DAB1: variants seen among roughly 807,000 people sequenced by gnomAD.
The protein encoded by DAB1 is disabled homolog 1.
In DAB1, 15 loss-of-function variants were observed where a neutral mutation model predicts 64.6. The ratio of observed to expected loss-of-function variants is 0.23; its 90% confidence interval spans 0.16 to 0.36. The LOEUF is 0.36. DAB1 is among the 10% of genes least tolerant of loss of function. DAB1 has a pLI of 1.00. For synonymous variants in DAB1, 235 were observed against 251.9 expected (o/e 0.93, Z 0.64); for missense variants, 596 against 706.7 (o/e 0.84, Z 1.78).
At chr1:57,947,075 A>G (rs1377286403) in intron 5 of DAB1, among the ~76,000 whole-genome samples, 2 of 152,138 alleles carry the variant, frequency 1.3e-5, no homozygotes, top group Non-Finnish European at 2.9e-5. Context: ...CTTGATTTAC[A>G]TAGGTGATCT....
intron 2 of DAB1, among the ~76,000 whole-genome samples, chr1:57,274,884 ATTT>A (rs3042300): frequency 0.05 from 7,310 of 146,800 alleles, 224 homozygotes; most frequent in African/African-American, 0.089. Flanking sequence ...GCTCAGCCAA[ATTT>A]TTTTTTTTTT....
At chr1:57,158,484 G>T (rs146222268) in intron 2 of DAB1, among the ~76,000 whole-genome samples, 164 of 152,208 alleles carry the variant, frequency 1.1e-3, no homozygotes, top group South Asian at 1.7e-3. Context: ...ATTTCGAAAG[G>T]TTGTTTTACT....
At chr1:57,392,744 G>C (rs1682484341) in intron 1 of DAB1, among the ~76,000 whole-genome samples, 1 of 152,204 alleles carries the variant, frequency 6.6e-6, no homozygotes. Context: ...TGACTTCTGA[G>C]AGGAACTGGC....
intron 5 of DAB1, among the ~76,000 whole-genome samples, chr1:58,132,383 G>A (rs12037749): frequency 0.016 from 2,446 of 152,230 alleles, 62 homozygotes; most frequent in South Asian, 0.1. Flanking sequence ...AGATGAACCC[G>A]GTACCTCAGA....
intron 5 of DAB1, among the ~76,000 whole-genome samples, chr1:57,983,981 T>A (rs764698770): frequency 1.3e-5 from 2 of 152,042 alleles, no homozygotes; most frequent in Non-Finnish European, 2.9e-5. Flanking sequence ...CACGCGCACA[T>A]GCACATGTGC....
rs72920624 is a variant in DAB1 at position 57,909,304 on chromosome 1, C to T, written n.388-25142G>A. 7.1e-3 allele frequency among the ~76,000 whole-genome samples: 1,075 copies of T among 152,236 alleles called. 16 individuals carry two copies. Among genetic ancestry groups the T allele is most frequent in the African/African-American group, 0.024 (1,017 of 41,542 alleles). The stretch of plus-strand genomic sequence containing the variant: ...GATCTTTAAGGTTTCTCCTAGCATG[C>T]CCATTCCCAACTGATCATGCCCCAG... On this transcript the variant is annotated intron_variant and non_coding_transcript_variant, in intron 5 of 20. Coordinates refer to the DAB1 transcript ENST00000485760.
At chr1:57,064,748 A>G (rs1401198949) in intron 8 of DAB1, among the ~76,000 whole-genome samples, 1 of 151,990 alleles carries the variant, frequency 6.6e-6, no homozygotes, top group Non-Finnish European at 1.5e-5. Flanking sequence ...GCTCATCTAC[A>G]CTCTTGCAGA....
intron 9 of DAB1, among the ~76,000 whole-genome samples, chr1:57,057,558 T>A (rs1363970552): frequency 2.0e-5 from 3 of 151,726 alleles, no homozygotes; most frequent in Non-Finnish European, 4.4e-5. Context: ...CAGCCTTCTG[T>A]GACATGCAAA....
At chr1:57,051,640 A>G (rs1649199514) in intron 9 of DAB1, among the ~76,000 whole-genome samples, 1 of 152,182 alleles carries the variant, frequency 6.6e-6, no homozygotes, top group Non-Finnish European at 1.5e-5. Flanking sequence ...AATCTTTCTA[A>G]GCTTGAGAGG....
chr1:57,744,512 G>T (rs773106603), intron 6 of DAB1, among the ~76,000 whole-genome samples: 13 of 151,940 alleles, frequency 8.6e-5, no homozygotes, highest in Non-Finnish European at 1.6e-4. Flanking sequence ...TAATATATCG[G>T]CAAACGAAGA....
chr1:58,146,590 G>A (rs1043538772), intron 5 of DAB1, among the ~76,000 whole-genome samples: 11 of 151,980 alleles, frequency 7.2e-5, no homozygotes, highest in African/African-American at 2.7e-4. Context: ...ATATAATTGA[G>A]ATCATGTGAT....
chr1:58,090,319 C>A (rs370997905), intron 5 of DAB1, among the ~76,000 whole-genome samples: 1 of 152,146 alleles, frequency 6.6e-6, no homozygotes, highest in African/African-American at 2.4e-5. Context: ...GGCAGTGGCA[C>A]GCCCTTGCTG....
intron 6 of DAB1, among the ~76,000 whole-genome samples, chr1:57,781,245 G>C (rs945891732): frequency 6.8e-6 from 1 of 147,148 alleles, no homozygotes; most frequent in African/African-American, 2.5e-5. Context: ...AAGCTGAATA[G>C]TTTCCTATCA....
intron 2 of DAB1, among the ~76,000 whole-genome samples, chr1:57,193,306 C>T (rs771119099): frequency 4.6e-5 from 7 of 150,628 alleles, no homozygotes; most frequent in Non-Finnish European, 1.0e-4. Flanking sequence ...TATCAGTGGA[C>T]TCATACAGTA....
intron 4 of DAB1, among the ~76,000 whole-genome samples, chr1:58,194,174 A>G (rs1657542959): frequency 6.6e-6 from 1 of 152,240 alleles, no homozygotes; most frequent in Non-Finnish European, 1.5e-5. Context: ...AAAAGACAGT[A>G]TTCCGGTTAA....
chr1:57,498,467 C>T (rs896317808), intron 7 of DAB1, among the ~76,000 whole-genome samples: 1 of 152,052 alleles, frequency 6.6e-6, no homozygotes, highest in African/African-American at 2.4e-5. Context: ...GAAATGTGTC[C>T]CACCAAAGTG....
chr1:58,481,676 T>C (rs756791797), intron 3 of DAB1, among the ~76,000 whole-genome samples: 1 of 150,460 alleles, frequency 6.6e-6, no homozygotes, highest in African/African-American at 2.4e-5. Context: ...TCATCTTGAA[T>C]TGCAGTTCCC....
intron 1 of DAB1, among the ~76,000 whole-genome samples, chr1:57,873,594 A>G (rs763142868): frequency 1.3e-5 from 2 of 152,200 alleles, no homozygotes; most frequent in Non-Finnish European, 2.9e-5. Flanking sequence ...GCGGGACCAC[A>G]TGTACAGAAA....
chr1:58,318,045 G>A lies in DAB1; in HGVS notation n.309+25307C>T, dbSNP rs142624768. Reference sequence around the variant, plus strand: ...GCTTAAAGATATTAAAGCAAGGTTAGGGATCCTAGCTGAGCACATAGGAAA... The same window carrying A: ...GCTTAAAGATATTAAAGCAAGGTTAAGGATCCTAGCTGAGCACATAGGAAA... On this transcript the variant is annotated intron_variant and non_coding_transcript_variant, in intron 4 of 20. Coordinates refer to the DAB1 transcript ENST00000485760. 5.6e-3 allele frequency among the ~76,000 whole-genome samples: 860 copies of A among 152,276 alleles called. 9 individuals carry two copies. Among genetic ancestry groups the A allele is most frequent in the African/African-American group, 0.019 (809 of 41,554 alleles).
Sources: gnomAD v4.1 joint callset for allele counts (sites outside exome capture counted in the v4.1 genomes callset) on GRCh38, gnomAD v4.1.1 for gene constraint, MANE v1.5 for transcripts, NCBI Gene and HGNC (gene_info 2026-07-23, HGNC 2026-07-21) for gene names.